AKT3: variants seen among roughly 807,000 people sequenced by gnomAD.
The protein encoded by AKT3 is RAC-gamma serine/threonine-protein kinase.
In AKT3, 15 loss-of-function variants were observed where a neutral mutation model predicts 65.3. That is an observed-to-expected ratio of 0.23 (90% confidence interval 0.15 to 0.35). The LOEUF is 0.35. AKT3 is among the 10% of genes least tolerant of loss of function. AKT3 has a pLI of 1.00. For missense variants in AKT3, 243 were observed against 576.5 expected (o/e 0.42, Z 5.92); for synonymous variants, 206 against 183.8 (o/e 1.12, Z -0.98).
At position 243,743,545 on chromosome 1, in the gene AKT3, CTGAA is replaced by C. The variant is rs1459257943; in HGVS notation, c.47-47833_47-47830del. Reference sequence around the variant, plus strand: ...ACAACTTATCAAATACAGAGATAGACTGAATGATTATGCCAAATGTTTTAGAAAA... The same window carrying C: ...ACAACTTATCAAATACAGAGATAGACTGATTATGCCAAATGTTTTAGAAAA... On this transcript the variant is annotated intron_variant, in intron 2 of 13. Transcript: ENST00000673466. Among the ~76,000 whole-genome samples, 11 of 152,254 alleles carry C rather than the reference CTGAA, an allele frequency of 7.2e-5. No homozygotes were observed. The South Asian group carries it at 1.7e-3, about 23-fold the overall frequency.
intron 6 of AKT3, among the ~76,000 whole-genome samples, chr1:243,621,379 C>T (rs1170955309): frequency 6.6e-6 from 1 of 152,180 alleles, no homozygotes; most frequent in Non-Finnish European, 1.5e-5. Context: ...ACATCCTAAT[C>T]TCTTCATCTT....
At position 243,501,808 on chromosome 1, in the gene AKT3, A is replaced by C; in HGVS notation, c.*3441T>G. On this transcript the variant is annotated 3_prime_UTR_variant, in exon 14 of 14. Transcript: ENST00000673466. ...TTATTTAAGCTGTCTGTACGAAGGA[A>C]AATCATGTTCATCCCTATCATATAC... The C allele has an allele frequency of 4.3e-6, 1 of 232,964 alleles. No homozygotes were observed. Among genetic ancestry groups the C allele is most frequent in the East Asian group, 6.1e-5 (1 of 16,494 alleles). The allele number at this position is 232,964 out of a possible 1,614,324, so 14.4% of individuals were successfully genotyped here.
intron 13 of AKT3, among the ~76,000 whole-genome samples, chr1:243,494,635 G>A (rs1046619668): frequency 3.9e-5 from 6 of 152,180 alleles, no homozygotes; most frequent in African/African-American, 7.2e-5. Flanking sequence ...TTGCTCTTCC[G>A]TTAACAGTTC....
chr1:243,755,273 C>A (rs10927066), intron 2 of AKT3, among the ~76,000 whole-genome samples: 3,828 of 150,428 alleles, frequency 0.025, 161 homozygotes, highest in African/African-American at 0.089. Flanking sequence ...CAGGGTTTAG[C>A]CATGTTGCCC....
chr1:243,623,992 C>A lies in AKT3; in HGVS notation c.562-8831G>T, dbSNP rs1022528446. Among the ~76,000 whole-genome samples, 11 of 152,196 alleles carry A rather than the reference C, an allele frequency of 7.2e-5. No individual in the cohort carries two copies. The East Asian group carries it at 1.9e-3, about 27-fold the overall frequency. ...TGGTTTTCCCTTTGCTGATTTTAAT[C>A]TGTACTTTTCACTATCATAAACAAT... On this transcript the variant is annotated intron_variant, in intron 6 of 13. Transcript: ENST00000673466.
intron 11 of AKT3, among the ~76,000 whole-genome samples, chr1:243,549,117 T>A (rs1407453920): frequency 2.0e-5 from 3 of 152,182 alleles, no homozygotes; most frequent in Non-Finnish European, 4.4e-5. Flanking sequence ...TAGTTATGGT[T>A]CCCAATCCAT....
At chr1:243,599,728 G>T (rs1176079035) in intron 8 of AKT3, among the ~76,000 whole-genome samples, 1 of 152,016 alleles carries the variant, frequency 6.6e-6, no homozygotes, top group Admixed American at 6.6e-5. Context: ...TAACAACATG[G>T]TTAATGGTGA....
intron 2 of AKT3, among the ~76,000 whole-genome samples, chr1:243,778,472 G>A (rs1417103890): frequency 6.6e-6 from 1 of 152,162 alleles, no homozygotes; most frequent in African/African-American, 2.4e-5. Flanking sequence ...CACATGTGGA[G>A]AACTACTACC....
intron 12 of AKT3, among the ~76,000 whole-genome samples, chr1:243,532,798 G>C (rs916816481): frequency 6.6e-6 from 1 of 152,194 alleles, no homozygotes; most frequent in South Asian, 2.1e-4. Context: ...TTTGGTGGGA[G>C]GTTTGCGATT....
intron 8 of AKT3, among the ~76,000 whole-genome samples, chr1:243,574,933 T>C (rs1674831717): frequency 6.6e-6 from 1 of 152,270 alleles, no homozygotes; most frequent in Middle Eastern, 3.4e-3. Context: ...ATCGATATAA[T>C]ATATGCAAGA....
At chr1:243,776,146 TG>T (rs1690530069) in intron 2 of AKT3, among the ~76,000 whole-genome samples, 1 of 152,194 alleles carries the variant, frequency 6.6e-6, no homozygotes, top group Non-Finnish European at 1.5e-5. Context: ...TTTCCATCAA[TG>T]AAGAGCAAAA....
At chr1:243,640,186 G>C (rs998008878) in intron 5 of AKT3, among the ~76,000 whole-genome samples, 1 of 152,130 alleles carries the variant, frequency 6.6e-6, no homozygotes, top group Non-Finnish European at 1.5e-5. Flanking sequence ...AATCAAACAT[G>C]TAGCTCTAAA....
chr1:243,739,036 C>T (rs1026144792), intron 2 of AKT3, among the ~76,000 whole-genome samples: 1 of 152,124 alleles, frequency 6.6e-6, no homozygotes, highest in African/African-American at 2.4e-5. Flanking sequence ...TCCTAGATCA[C>T]TCTCAAACCT....
At chr1:243,683,783 C>A (rs1684086696) in intron 3 of AKT3, among the ~76,000 whole-genome samples, 1 of 152,110 alleles carries the variant, frequency 6.6e-6, no homozygotes, top group South Asian at 2.1e-4. Flanking sequence ...TACTTGCCTG[C>A]CTTCCTTTAA....
At chr1:243,735,951 A>C (rs1286892911) in intron 2 of AKT3, among the ~76,000 whole-genome samples, 1 of 152,226 alleles carries the variant, frequency 6.6e-6, no homozygotes, top group Non-Finnish European at 1.5e-5. Flanking sequence ...TCCTAAATAA[A>C]TATTAAGTAC....
At chr1:243,552,151 G>A (rs1361479113) in intron 11 of AKT3, among the ~76,000 whole-genome samples, 1 of 151,620 alleles carries the variant, frequency 6.6e-6, no homozygotes, top group African/African-American at 2.4e-5. Flanking sequence ...TTAGACAGGC[G>A]TGGTGGAGGT....
intron 2 of AKT3, among the ~76,000 whole-genome samples, chr1:243,832,391 T>C (rs1694597083): frequency 6.6e-6 from 1 of 152,152 alleles, no homozygotes; most frequent in Admixed American, 6.6e-5. Context: ...TACAGCAGTA[T>C]GTGAATCATG....
At chr1:243,665,013 C>A (rs973444315) in intron 3 of AKT3, 130 bp from the exon 4 acceptor site, 2 of 387,358 alleles carry the variant, frequency 5.2e-6, no homozygotes, top group Admixed American at 4.6e-5. Context: ...GTTCTCCACT[C>A]AAGATTATTT....
intron 6 of AKT3, among the ~76,000 whole-genome samples, chr1:243,630,779 T>C (rs1173732073): frequency 6.6e-6 from 1 of 151,832 alleles, no homozygotes; most frequent in Non-Finnish European, 1.5e-5. Flanking sequence ...TATACTTAAG[T>C]CTTCGGTGCT....
Sources: allele counts gnomAD v4.1 joint callset (sites outside exome capture counted in the v4.1 genomes callset), GRCh38; gene constraint gnomAD v4.1.1; transcripts MANE v1.5; gene names NCBI Gene and HGNC (gene_info 2026-07-23, HGNC 2026-07-21).